CHST9: variants seen among roughly 807,000 people sequenced by gnomAD.
CHST9 encodes the protein carbohydrate sulfotransferase 9.
In CHST9, 41 loss-of-function variants were observed where a neutral mutation model predicts 44.4. That is an observed-to-expected ratio of 0.92 (90% confidence interval 0.72 to 1.20). The LOEUF is 1.20. CHST9 is among the 50% of genes most tolerant of loss of function. The pLI is 0.00. For missense variants in CHST9, 504 were observed against 516.5 expected (o/e 0.98, Z 0.23); for synonymous variants, 171 against 178.4 (o/e 0.96, Z 0.33).
At position 26,916,905 on chromosome 18, in the gene CHST9, C is replaced by A. The variant is rs1568089118; in HGVS notation, c.686G>T (p.Arg229Ile). Residue 229 changes from arginine to isoleucine, a missense_variant, in exon 6 of 6, where the codon AGA (arginine) becomes ATA (isoleucine). Arg to Ile is a moderately conservative substitution (Grantham distance 97). Coordinates refer to ENST00000618847, the MANE Select transcript of CHST9 (RefSeq NM_031422.6). ...CAATCCATTTAGTACCATCAGAATT[C>A]TTTTCCAATTGGAACAGCCAGCCTT... is the stretch of plus-strand genomic sequence containing the variant. ...VPKAGCSNWK[R>I]ILMVLNGLAS... The A allele has an allele frequency of 3.1e-6, 5 of 1,613,874 alleles. No individual in the cohort carries two copies. In the South Asian group the frequency reaches 4.4e-5, roughly 14 times the overall value.
At chr18:27,024,408 T>G (rs781457504) in intron 3 of CHST9, among the ~76,000 whole-genome samples, 20 of 152,218 alleles carry the variant, frequency 1.3e-4, no homozygotes, top group Non-Finnish European at 2.1e-4. Flanking sequence ...GCTTTGAGCC[T>G]GTACTCTTTA....
intron 1 of CHST9, 75 bp from the exon 2 acceptor site, chr18:27,142,980 T>C: frequency 3.6e-6 from 2 of 551,698 alleles, no homozygotes; most frequent in Middle Eastern, 3.5e-4. Context: ...AAATATTCAC[T>C]ATCTCAACAA....
At chr18:27,008,359 G>A (rs985124321) in intron 4 of CHST9, among the ~76,000 whole-genome samples, 1 of 152,182 alleles carries the variant, frequency 6.6e-6, no homozygotes, top group Non-Finnish European at 1.5e-5. Flanking sequence ...AGTAATTTCA[G>A]CATGGTCAAG....
chr18:26,976,464 A>G (rs1342358746), intron 4 of CHST9, among the ~76,000 whole-genome samples: 2 of 152,118 alleles, frequency 1.3e-5, no homozygotes, highest in Non-Finnish European at 2.9e-5. Context: ...GTCTCCGGAC[A>G]CTCAGTCCAG....
intron 1 of CHST9, among the ~76,000 whole-genome samples, chr18:27,143,909 T>C (rs991341064): frequency 2.0e-5 from 3 of 152,062 alleles, no homozygotes; most frequent in African/African-American, 7.2e-5. Flanking sequence ...TGTATACCTA[T>C]GTAACAAACC....
intron 4 of CHST9, among the ~76,000 whole-genome samples, chr18:27,012,410 A>T (rs1350346016): frequency 1.3e-5 from 2 of 152,238 alleles, no homozygotes; most frequent in Non-Finnish European, 2.9e-5. Context: ...AAGAGAAAAT[A>T]TGTTCACTAT....
intron 1 of CHST9, among the ~76,000 whole-genome samples, chr18:27,147,999 A>T (rs2058627993): frequency 6.6e-6 from 1 of 150,540 alleles, no homozygotes; most frequent in African/African-American, 2.4e-5. Context: ...ATTTTTCCTG[A>T]CCCTCTCCAT....
At chr18:26,958,199 AG>A (rs1398047462) in intron 4 of CHST9, among the ~76,000 whole-genome samples, 1 of 151,910 alleles carries the variant, frequency 6.6e-6, no homozygotes, top group Non-Finnish European at 1.5e-5. Flanking sequence ...AGACATTTCT[AG>A]TCTTGACTTT....
chr18:26,982,852 A>G (rs562713051), intron 4 of CHST9, among the ~76,000 whole-genome samples: 22 of 152,324 alleles, frequency 1.4e-4, no homozygotes, highest in African/African-American at 5.3e-4. Flanking sequence ...TAAAATTCAT[A>G]TACTCAAAAA....
intron 2 of CHST9, among the ~76,000 whole-genome samples, chr18:27,100,929 G>C (rs1296478729): frequency 6.6e-6 from 1 of 152,200 alleles, no homozygotes; most frequent in Non-Finnish European, 1.5e-5. Context: ...GGTTGGGACA[G>C]AGGAGATTGT....
chr18:27,182,822 C>T (rs2042029238), intron 1 of CHST9, among the ~76,000 whole-genome samples: 1 of 152,168 alleles, frequency 6.6e-6, no homozygotes, highest in Non-Finnish European at 1.5e-5. Flanking sequence ...CATATCCTAT[C>T]TCACATCCTA....
chr18:26,957,660 A>T (rs1489030055), intron 4 of CHST9, among the ~76,000 whole-genome samples: 1 of 151,882 alleles, frequency 6.6e-6, no homozygotes, highest in African/African-American at 2.4e-5. Flanking sequence ...GACAATTTTC[A>T]CCACTATCAG....
chr18:27,099,355 A>C (rs1290184616), intron 2 of CHST9, among the ~76,000 whole-genome samples: 1 of 152,210 alleles, frequency 6.6e-6, no homozygotes, highest in Non-Finnish European at 1.5e-5. Flanking sequence ...AATTAAACTA[A>C]AGAGCTTCTG....
At chr18:27,003,893 AT>A (rs1347695750) in intron 4 of CHST9, among the ~76,000 whole-genome samples, 5 of 151,884 alleles carry the variant, frequency 3.3e-5, no homozygotes, top group Non-Finnish European at 5.9e-5. Context: ...ATTTGCTCCA[AT>A]TTTTCTCCCC....
At chr18:27,130,269 C>A (rs1450492577) in intron 2 of CHST9, among the ~76,000 whole-genome samples, 1 of 152,130 alleles carries the variant, frequency 6.6e-6, no homozygotes, top group Non-Finnish European at 1.5e-5. Context: ...TGAGTGAGGT[C>A]TTTACACTCA....
chr18:27,130,319 T>C (rs1185236826), intron 2 of CHST9, among the ~76,000 whole-genome samples: 3 of 152,212 alleles, frequency 2.0e-5, no homozygotes, highest in African/African-American at 7.2e-5. Flanking sequence ...ATTATTTTAA[T>C]CGATTTTCAA....
intron 4 of CHST9, among the ~76,000 whole-genome samples, chr18:26,981,975 C>G (rs1305593623): frequency 6.6e-6 from 1 of 152,158 alleles, no homozygotes; most frequent in Non-Finnish European, 1.5e-5. Flanking sequence ...TTCCCACTTC[C>G]CAGTAAATCC....
intron 2 of CHST9, among the ~76,000 whole-genome samples, chr18:27,078,814 C>T (rs1428363226): frequency 1.3e-5 from 2 of 152,160 alleles, no homozygotes; most frequent in Admixed American, 6.5e-5. Context: ...CAAATTTTTG[C>T]CACTCTGCAC....
chr18:27,048,400 T>TA, intron 3 of CHST9, 65 bp downstream of exon 3: 1 of 1,297,688 alleles, frequency 7.7e-7, no homozygotes, highest in Non-Finnish European at 1.1e-6. Flanking sequence ...TAATAAATTT[T>TA]AAAAAATTTA....
Sources: gnomAD v4.1 joint callset for allele counts (sites outside exome capture counted in the v4.1 genomes callset) on GRCh38, gnomAD v4.1.1 for gene constraint, MANE v1.5 for transcripts, NCBI Gene and HGNC (gene_info 2026-07-23, HGNC 2026-07-21) for gene names.